OR4F5: variants seen among roughly 807,000 people sequenced by gnomAD.
OR4F5 encodes olfactory receptor family 4 subfamily F member 5.
OR4F5 carries 1 observed loss-of-function variant against 5.8 expected under a neutral mutation model. That is an observed-to-expected ratio of 0.17 (90% CI 0.06 to 0.82). The LOEUF (loss-of-function observed/expected upper bound fraction) is 0.82. Among genes scored for constraint, OR4F5 ranks in the 40% least tolerant of loss-of-function variants. The pLI is 0.72. For synonymous variants in OR4F5, 18 were observed against 63.7 expected (o/e 0.28, Z 3.42); for missense variants, 47 against 175.5 (o/e 0.27, Z 4.14).
chr1:69,552 G>T lies in OR4F5; in HGVS notation c.525G>T (p.Ala175=), dbSNP rs2531266. Residue 175 remains alanine, a synonymous_variant, in exon 3 of 3, where the codon GCG becomes GCT. Transcript: ENST00000641515. The stretch of plus-strand genomic sequence containing the variant: ...TTCTCCATTCGGTGAGCCAGTTGGC[G>T]TTTGCCGTGCACTTACTCTTCTGTG... ...IGFLHSVSQL[A]FAVHLLFCGP... 1.4e-5 allele frequency: 14 copies of T among 1,011,374 alleles called. 5 individuals are homozygous for T. The Admixed American group carries it at 4.0e-4, about 29-fold the overall frequency. 62.7% of individuals were successfully genotyped at this position (1,011,374 alleles called of 1,614,324 possible).
At chr1:66,510 A>G (rs1639947718) in intron 2 of OR4F5, among the ~76,000 whole-genome samples, 1 of 76,916 alleles carries the variant, frequency 1.3e-5, no homozygotes, top group South Asian at 3.0e-4. Flanking sequence ...ATTTTATTAT[A>G]TAATATATAT....
At chr1:68,362 C>T (rs532215594) in intron 2 of OR4F5, among the ~76,000 whole-genome samples, 1,185 of 106,680 alleles carry the variant, frequency 0.011, 291 homozygotes, top group Non-Finnish European at 0.022. Flanking sequence ...AAGCTCCCTC[C>T]CTTCCAATTC....
At chr1:66,466 A>T (rs554919433) in intron 2 of OR4F5, among the ~76,000 whole-genome samples, 1 of 51,326 alleles carries the variant, frequency 1.9e-5, no homozygotes, top group African/African-American at 5.9e-5. Context: ...TTTATTATAT[A>T]ATATATATTA....
intron 2 of OR4F5, among the ~76,000 whole-genome samples, chr1:66,476 A>G (rs1168407689): frequency 2.5e-5 from 2 of 80,368 alleles, no homozygotes; most frequent in East Asian, 5.1e-4. Flanking sequence ...AATATATATT[A>G]TATATTTATA....
At chr1:68,239 C>A (rs1206788273) in intron 2 of OR4F5, among the ~76,000 whole-genome samples, 3 of 100,270 alleles carry the variant, frequency 3.0e-5, no homozygotes, top group African/African-American at 8.6e-5. Context: ...TACTTTAATA[C>A]GTTGCTCGAT....
chr1:66,582 T>G (rs1473135893), intron 2 of OR4F5, among the ~76,000 whole-genome samples: 39 of 87,550 alleles, frequency 4.5e-4, no homozygotes, highest in African/African-American at 1.3e-3. Context: ...GTATAATATA[T>G]ATTATATAAA....
rs1557435810 is a variant in OR4F5, at chr1:66,506, T to TAA, written c.9+933_9+934insAA. On this transcript the variant is annotated intron_variant, in intron 2 of 2. Coordinates refer to ENST00000641515, the MANE Select transcript of OR4F5 (RefSeq NM_001005484.2). ...TTTATAGAATATAATATATATTTTA[T>TAA]TATATAATATATATTATATAATATA... Among the ~76,000 whole-genome samples the TAA allele has an allele frequency of 3.4e-4, 27 of 78,760 alleles. 2 individuals are homozygous for TAA. The East Asian group carries it at 6.4e-3, about 19-fold the overall frequency. The allele number at this position is 78,760 out of a possible 152,430, so 51.7% of individuals were successfully genotyped here. A position where few individuals can be genotyped will look rare whatever the true frequency, so the allele number is the denominator to read the frequency against.
At position 69,635 on chromosome 1, in the gene OR4F5, G is replaced by C. The variant is rs541766448; in HGVS notation, c.608G>C (p.Cys203Ser). The C allele has an allele frequency of 2.1e-6, 2 of 953,936 alleles. No individual in the cohort carries two copies. The highest frequency in any genetic ancestry group is 4.8e-5 in the East Asian group (2 of 42,064). The allele number at this position is 953,936 out of a possible 1,614,324, so 59.1% of individuals were successfully genotyped here. A position where few individuals can be genotyped will look rare whatever the true frequency, so the allele number is the denominator to read the frequency against. The change falls in exon 3 of 3, where the codon TGT becomes TCT. Residue 203 changes from cysteine to serine, a missense_variant. By Grantham distance (112) the Cys-to-Ser change is moderately radical. Around this residue, in one of 3 missense-constraint regions of OR4F5, gnomAD observed 7 missense variants for 66.3 expected, o/e 0.11. Coordinates refer to ENST00000641515, the MANE Select transcript of OR4F5 (RefSeq NM_001005484.2). ...CDLPRVIKLA[C>S]TDTYRLDIMV... ...CTTCCTAGGGTAATCAAACTTGCCT[G>C]TACAGATACCTACAGGCTAGATATT... is the stretch of plus-strand genomic sequence containing the variant.
chr1:67,947 AT>A (rs1202587463), intron 2 of OR4F5, among the ~76,000 whole-genome samples: 3 of 35,788 alleles, frequency 8.4e-5, no homozygotes, highest in Admixed American at 3.4e-4. Flanking sequence ...TTGGAATAAC[AT>A]TTTTTTTATT....
At chr1:66,181 A>G (rs1468384811) in intron 2 of OR4F5, among the ~76,000 whole-genome samples, 2 of 93,662 alleles carry the variant, frequency 2.1e-5, no homozygotes, top group African/African-American at 3.3e-5. Flanking sequence ...TATATTATAT[A>G]TACTATATAT....
rs1227699670 is a variant in OR4F5 at position 70,646 on chromosome 1, G to A, written c.*638G>A. Reference sequence around the variant, plus strand: ...TCATAAGCAGTAGAAAGAATTTAGAGGGATCCAGGCTCTCATCACGTTGGC... The same window carrying A: ...TCATAAGCAGTAGAAAGAATTTAGAAGGATCCAGGCTCTCATCACGTTGGC... On this transcript the variant is annotated 3_prime_UTR_variant, in exon 3 of 3. Transcript: ENST00000641515. 2 of 114,468 alleles carry A rather than the reference G, an allele frequency of 1.7e-5. No homozygotes were observed. The highest frequency in any genetic ancestry group is 5.7e-5 in the African/African-American group (2 of 35,292). 7.1% of individuals were successfully genotyped at this position (114,468 alleles called of 1,614,324 possible). A position where few individuals can be genotyped will look rare whatever the true frequency, so the allele number is the denominator to read the frequency against.
rs1227875005 is a variant in OR4F5 at position 66,438 on chromosome 1, ATATTATATAATATATATTT to A, written c.9+884_9+902del. ...ATATTTTATTATATAAATATATATTATATTATATAATATATATTTTATTATATAATATATATTATATATT... is the reference window on the plus strand; with the variant it reads ...ATATTTTATTATATAAATATATATTATATTATATAATATATATTATATATT... On this transcript the variant is annotated intron_variant, in intron 2 of 2. Coordinates refer to ENST00000641515, the MANE Select transcript of OR4F5 (RefSeq NM_001005484.2). Among the ~76,000 whole-genome samples the A allele has an allele frequency of 5.3e-3, 313 of 59,038 alleles. 7 individuals carry two copies. The highest frequency in any genetic ancestry group is 0.024 in the African/African-American group (301 of 12,694). The allele number at this position is 59,038 out of a possible 152,430, so 38.7% of individuals were successfully genotyped here. A position where few individuals can be genotyped will look rare whatever the true frequency, so the allele number is the denominator to read the frequency against.
intron 2 of OR4F5, among the ~76,000 whole-genome samples, chr1:66,160 TTA>T (rs201684885): frequency 2.0e-5 from 2 of 98,054 alleles, no homozygotes; most frequent in African/African-American, 6.5e-5. Flanking sequence ...CATAAGGCAT[TTA>T]TATATATATA....
In OR4F5 at chr1:66,502, T is replaced by G. The variant is rs1458075616; in HGVS notation, c.9+929T>G. Among the ~76,000 whole-genome samples, 210 of 78,754 alleles carry G rather than the reference T, an allele frequency of 2.7e-3. 3 individuals carry two copies. The highest frequency in any genetic ancestry group is 7.7e-3 in the African/African-American group (196 of 25,574). 51.7% of individuals were successfully genotyped at this position (78,754 alleles called of 152,430 possible). On this transcript the variant is annotated intron_variant, in intron 2 of 2. Coordinates refer to ENST00000641515, the MANE Select transcript of OR4F5 (RefSeq NM_001005484.2). The stretch of plus-strand genomic sequence containing the variant: ...TATATTTATAGAATATAATATATAT[T>G]TTATTATATAATATATATTATATAA...
intron 2 of OR4F5, among the ~76,000 whole-genome samples, chr1:66,344 TAATATAATATATATTATATA>T (rs1413333070): frequency 1.5e-4 from 7 of 45,722 alleles, no homozygotes; most frequent in African/African-American, 4.0e-4. Context: ...TTTTATTATA[TAATATAATATATATTATATA>T]AATATAATAT....
At chr1:68,543 CT>C (rs1233481639) in intron 2 of OR4F5, among the ~76,000 whole-genome samples, 1 of 39,022 alleles carries the variant, frequency 2.6e-5, no homozygotes, top group Non-Finnish European at 9.3e-5. Flanking sequence ...ATTTTCCTCA[CT>C]TTTTCTCACT....
At chr1:66,390 T>G (rs558787471) in intron 2 of OR4F5, among the ~76,000 whole-genome samples, 1 of 78,460 alleles carries the variant, frequency 1.3e-5, no homozygotes, top group Non-Finnish European at 2.6e-5. Context: ...TTATATAATA[T>G]AATATATATT....
rs1639934733 is a variant in OR4F5, at chr1:66,221, A to ATATATTATATAATATATATTATAT, written c.9+654_9+677dup. Among the ~76,000 whole-genome samples the ATATATTATATAATATATATTATAT allele has an allele frequency of 3.8e-4, 9 of 23,908 alleles. 1 individual carries two copies. Among genetic ancestry groups the ATATATTATATAATATATATTATAT allele is most frequent in the Non-Finnish European group, 1.0e-3 (7 of 6,734 alleles). The allele number at this position is 23,908 out of a possible 152,430, so 15.7% of individuals were successfully genotyped here. ...ATATATTACATATTATATATATAATATATATTATATAATATATATTATATT... is the reference window on the plus strand; with the variant it reads ...ATATATTACATATTATATATATAATATATATTATATAATATATATTATATTATATTATATAATATATATTATATT... On this transcript the variant is annotated intron_variant, in intron 2 of 2. Transcript: ENST00000641515.
intron 2 of OR4F5, among the ~76,000 whole-genome samples, chr1:66,357 A>T (rs1639940898): frequency 2.4e-5 from 1 of 42,012 alleles, no homozygotes; most frequent in Non-Finnish European, 6.3e-5. Context: ...TATAATATAT[A>T]TTATATAAAT....
Sources: gnomAD v4.1 joint callset for allele counts (sites outside exome capture counted in the v4.1 genomes callset) on GRCh38, gnomAD v4.1.1 for gene constraint, gnomAD v4.1.1 regional missense constraint, MANE v1.5 for transcripts, NCBI Gene and HGNC (gene_info 2026-07-23, HGNC 2026-07-21) for gene names.